Variants in ROS1 observed in about 807,000 individuals in gnomAD.
ROS1 encodes ROS proto-oncogene 1, receptor tyrosine kinase.
ROS1 carries 263 observed loss-of-function variants against 273.5 expected under a neutral mutation model. That is an observed-to-expected ratio of 0.96 (90% CI 0.87 to 1.06). The LOEUF is 1.06. Among genes scored for constraint, ROS1 ranks in the 50% least tolerant of loss-of-function variants. ROS1 has a pLI of 0.00. For missense variants in ROS1, 2,833 were observed against 2,751.1 expected (o/e 1.03, Z -0.67); for synonymous variants, 1,008 against 954.1 (o/e 1.06, Z -1.04).
intron 31 of ROS1, among the ~76,000 whole-genome samples, chr6:117,339,227 A>G (rs1169213159): frequency 1.3e-5 from 2 of 152,120 alleles, no homozygotes; most frequent in African/African-American, 4.8e-5. Flanking sequence ...TGTTTAGCTC[A>G]TCAGCTATCG....
chr6:117,339,337 T>C (rs907238303), intron 31 of ROS1, among the ~76,000 whole-genome samples: 5 of 152,164 alleles, frequency 3.3e-5, no homozygotes, highest in African/African-American at 1.2e-4. Context: ...CGAAACTTCA[T>C]CTTGTGCTCT....
At chr6:117,344,357 G>A in intron 27 of ROS1, 95 bp from the exon 28 acceptor site, 2 of 775,774 alleles carry the variant, frequency 2.6e-6, no homozygotes, top group Non-Finnish European at 4.1e-6. Flanking sequence ...AGCTTAGAAA[G>A]AAATTTGTAG....
intron 17 of ROS1, 53 bp from the exon 18 acceptor site, chr6:117,379,212 C>A: frequency 9.2e-7 from 1 of 1,084,604 alleles, no homozygotes; most frequent in East Asian, 2.4e-5. Context: ...TGAAGCATAA[C>A]TTTGTGAACA....
intron 27 of ROS1, among the ~76,000 whole-genome samples, chr6:117,346,945 C>G (rs1778428879): frequency 6.6e-6 from 1 of 152,154 alleles, no homozygotes; most frequent in Non-Finnish European, 1.5e-5. Context: ...GATCTTATTA[C>G]TGTCTACATA....
chr6:117,311,201 A>C, intron 39 of ROS1, 84 bp from the exon 40 acceptor site: 1 of 686,378 alleles, frequency 1.5e-6, no homozygotes, highest in Non-Finnish European at 2.5e-6. Context: ...AAGTGGATAC[A>C]TGTATATGCA....
chr6:117,331,888 C>A (rs1022442532), intron 32 of ROS1, among the ~76,000 whole-genome samples: 2 of 152,136 alleles, frequency 1.3e-5, no homozygotes, highest in Admixed American at 6.5e-5. Flanking sequence ...TGCAAAAACA[C>A]ACCAAACTAT....
At chr6:117,377,481 T>G (rs975043833) in intron 18 of ROS1, among the ~76,000 whole-genome samples, 1 of 152,036 alleles carries the variant, frequency 6.6e-6, no homozygotes, top group African/African-American at 2.4e-5. Context: ...CAAATGGCGC[T>G]AGAACAACTG....
At chr6:117,324,498 A>C (rs1776500825) in intron 34 of ROS1, 83 bp from the exon 35 acceptor site, 1 of 652,702 alleles carries the variant, frequency 1.5e-6, no homozygotes, top group Non-Finnish European at 2.7e-6. Context: ...ACAGAGTAAT[A>C]TAGCAGAGCT....
intron 21 of ROS1, among the ~76,000 whole-genome samples, chr6:117,363,602 T>C (rs992726844): frequency 2.0e-5 from 3 of 152,142 alleles, no homozygotes; most frequent in Admixed American, 6.5e-5. Context: ...TTATTCAATC[T>C]CCAGGCCTTC....
At chr6:117,320,053 T>G in intron 36 of ROS1, 23 bp from the exon 37 acceptor site, 1 of 1,610,206 alleles carries the variant, frequency 6.2e-7, no homozygotes. Context: ...AACATTTTTG[T>G]CTCCCCACCC....
intron 22 of ROS1, among the ~76,000 whole-genome samples, chr6:117,361,173 C>T (rs954965595): frequency 2.0e-5 from 3 of 149,958 alleles, no homozygotes; most frequent in Non-Finnish European, 3.0e-5. Flanking sequence ...TTGGGCCATG[C>T]CACATTCTAA....
chr6:117,413,619 T>C (rs1465407598), intron 4 of ROS1, among the ~76,000 whole-genome samples: 1 of 152,124 alleles, frequency 6.6e-6, no homozygotes. Context: ...GAGACATTAC[T>C]TACCATTGGG....
chr6:117,372,666 T>C (rs2128672928), intron 18 of ROS1, among the ~76,000 whole-genome samples: 1 of 152,286 alleles, frequency 6.6e-6, no homozygotes, highest in African/African-American at 2.4e-5. Context: ...GTGGCGCATC[T>C]GGAGTCGCTC....
In ROS1 at chr6:117,394,197, G is replaced by A. The variant is rs1378031096; in HGVS notation, c.1156C>T (p.Leu386Phe). Residue 386 changes from leucine to phenylalanine, a missense_variant, in exon 11 of 44, where the codon CTT (leucine) becomes TTT (phenylalanine). Transcript: ENST00000368507. ...ATGATGAAATACATTCTTTGATAAA[G>A]CCAATCTATGGAGATAGAAGAAATT... ...GLISSISIDW[L>F]YQRMYFIMDE... 6.3e-7 allele frequency: 1 copy of A among 1,595,784 alleles called. No homozygotes were observed. The highest frequency in any genetic ancestry group is 1.8e-5 in the Admixed American group (1 of 57,022).
intron 11 of ROS1, 121 bp from the exon 12 acceptor site, chr6:117,393,442 A>G: frequency 3.0e-6 from 2 of 667,058 alleles, no homozygotes; most frequent in Non-Finnish European, 5.1e-6. Context: ...AGCACTGCCC[A>G]AGACAAATGA....
rs1265449575 is a variant in ROS1 at position 117,393,284 on chromosome 6, T to C, written c.1229A>G (p.Glu410Gly). 2.5e-6 allele frequency: 4 copies of C among 1,612,610 alleles called. No homozygotes were observed. The highest frequency in any genetic ancestry group is 1.7e-5 in the Admixed American group (1 of 59,934). ...VCDLENCSNI[E>G]EITPPSISAP... ...ACTAATAGAGGGTGGAGTAATTTCC[T>C]CGATGTTTGAGCAGTTCTCTAAATC... The change falls in exon 12 of 44, where the codon GAG becomes GGG. Residue 410 changes from glutamate (E) to glycine (G), a missense_variant. Physicochemically the swap from Glu to Gly is moderately conservative, Grantham distance 98. Coordinates refer to ENST00000368507, the MANE Select transcript of ROS1 (RefSeq NM_001378902.1).
At chr6:117,296,433 TG>T (rs1217748881) in intron 43 of ROS1, among the ~76,000 whole-genome samples, 1 of 151,484 alleles carries the variant, frequency 6.6e-6, no homozygotes, top group Non-Finnish European at 1.5e-5. Flanking sequence ...AAAGAAAATG[TG>T]GTATATGCAT....
At chr6:117,411,709 G>T (rs1259017451) in intron 4 of ROS1, among the ~76,000 whole-genome samples, 1 of 152,068 alleles carries the variant, frequency 6.6e-6, no homozygotes, top group African/African-American at 2.4e-5. Flanking sequence ...CTGAGGCATT[G>T]TTCCCTTAAA....
In ROS1 at chr6:117,332,655, A is replaced by T. The variant is rs148706179; in HGVS notation, c.5231-3209T>A. Among the ~76,000 whole-genome samples the T allele has an allele frequency of 2.0e-5, 3 of 152,354 alleles. No homozygotes were observed. The East Asian group carries it at 5.8e-4, about 29-fold the overall frequency. On this transcript the variant is annotated intron_variant, in intron 32 of 43. Coordinates refer to ENST00000368507, the MANE Select transcript of ROS1 (RefSeq NM_001378902.1). ...ATCATAACAAACAGTCTCTCAGACC[A>T]CAGAGCAATCAAATTAGAACCCAGG...
Sources: gnomAD v4.1 joint callset for allele counts (sites outside exome capture counted in the v4.1 genomes callset) on GRCh38, gnomAD v4.1.1 for gene constraint, MANE v1.5 for transcripts, NCBI Gene and HGNC (gene_info 2026-07-23, HGNC 2026-07-21) for gene names.